CELF2: variants seen among roughly 807,000 people sequenced by gnomAD.
CELF2 encodes CUG triplet repeat RNA-binding protein 2.
A neutral mutation model predicts 62.6 loss-of-function variants in CELF2; 8 were observed. The observed-to-expected ratio is 0.13, with a 90% CI of 0.07 to 0.23. CELF2 has a LOEUF of 0.23. Ranked by LOEUF, CELF2 falls within the 10% of genes least tolerant of loss-of-function variation. CELF2 has a pLI of 1.00. For synonymous variants in CELF2, 258 were observed against 250.0 expected, an observed-to-expected ratio of 1.03 and a Z score of -0.30; for missense variants, 333 against 671.0, an observed-to-expected ratio of 0.50 and a Z score of 5.56.
intron 1 of CELF2, among the ~76,000 whole-genome samples, chr10:11,100,509 A>G (rs1031477969): frequency 4.0e-5 from 6 of 151,596 alleles, no homozygotes; most frequent in African/African-American, 1.4e-4. Context: ...TATGAATGGA[A>G]CTCACTTTCA....
intron 1 of CELF2, among the ~76,000 whole-genome samples, chr10:10,853,891 TA>T (rs535352985): frequency 1.3e-3 from 201 of 151,694 alleles, no homozygotes; most frequent in African/African-American, 4.7e-3. Flanking sequence ...ACAAGGAAAT[TA>T]AAAGGGAGAG....
At chr10:11,272,751 C>G (rs111798053) in intron 7 of CELF2, among the ~76,000 whole-genome samples, 3,357 of 152,286 alleles carry the variant, frequency 0.022, 113 homozygotes, top group African/African-American at 0.076. Context: ...TGAAAGAGCC[C>G]TTAGCTGCCT....
At chr10:10,692,526 T>A in the CELF2 span, among the ~76,000 whole-genome samples, 1 of 139,612 alleles carries the variant, frequency 7.2e-6, no homozygotes, top group Non-Finnish European at 1.6e-5. Flanking sequence ...TTTAAAGTAG[T>A]TTTTTCCAAT....
intron 2 of CELF2, among the ~76,000 whole-genome samples, chr10:11,186,634 A>G (rs1032818658): frequency 1.8e-4 from 27 of 152,174 alleles, no homozygotes; most frequent in African/African-American, 5.8e-4. Context: ...GCGCATCCCT[A>G]ATCCAAAAAT....
At chr10:10,708,104 C>CA in the CELF2 span, among the ~76,000 whole-genome samples, 1 of 152,070 alleles carries the variant, frequency 6.6e-6, no homozygotes, top group East Asian at 1.9e-4. Flanking sequence ...ATAAAAACAC[C>CA]ACATATTTGA....
chr10:11,317,760 A>G (rs1489312522), intron 10 of CELF2: 2 of 152,146 alleles, frequency 1.3e-5, no homozygotes, highest in African/African-American at 4.8e-5. Flanking sequence ...CTGGGTCTCT[A>G]TTGTAAGTTG....
intron 2 of CELF2, among the ~76,000 whole-genome samples, chr10:10,961,559 C>A (rs2049502853): frequency 6.6e-6 from 1 of 151,954 alleles, no homozygotes; most frequent in African/African-American, 2.4e-5. Flanking sequence ...CCAGCCTGGG[C>A]AACATGGCAA....
intron 1 of CELF2, among the ~76,000 whole-genome samples, chr10:11,043,847 C>G (rs1053554267): frequency 6.6e-6 from 1 of 152,200 alleles, no homozygotes; most frequent in African/African-American, 2.4e-5. Flanking sequence ...CAGTGGCTTC[C>G]TCGCATACCT....
chr10:11,211,807 A>AGT lies in CELF2; in HGVS notation c.272-5617_272-5616insTG, dbSNP rs1311476390. Among the ~76,000 whole-genome samples the AGT allele has an allele frequency of 3.3e-5, 4 of 120,636 alleles. No individual in the cohort carries two copies. The highest frequency in any genetic ancestry group is 1.1e-4 in the African/African-American group (3 of 28,060). 79.1% of individuals were successfully genotyped at this position (120,636 alleles called of 152,430 possible). On this transcript the variant is annotated intron_variant, in intron 2 of 12. Transcript: ENST00000633077. This position sits in a 1 kb window ranked among gnomAD's most constrained non-coding sequence, Gnocchi z 4.8. ...GTATGTGTGTGAGAGAGAGAGAGAG[A>AGT]GAGAGAGTGTGTGTGTGTGTGTGTG...
At chr10:10,784,537 C>G in the CELF2 span, 1 of 152,128 alleles carries the variant, frequency 6.6e-6, no homozygotes, top group Non-Finnish European at 1.5e-5. Context: ...GATCTTTCTC[C>G]GCAGTGTGGC....
chr10:10,837,422 G>T (rs1305582550), intron 1 of CELF2, among the ~76,000 whole-genome samples: 1 of 152,176 alleles, frequency 6.6e-6, no homozygotes, highest in Non-Finnish European at 1.5e-5. Flanking sequence ...AAATGACCCA[G>T]TCTCAGGTAT....
chr10:11,232,668 A>T (rs955774453), intron 3 of CELF2, among the ~76,000 whole-genome samples: 34 of 152,160 alleles, frequency 2.2e-4, no homozygotes, highest in African/African-American at 8.2e-4. Flanking sequence ...GTTGCATGGT[A>T]CTGATTTCAA....
At chr10:10,696,246 G>A in the CELF2 span, among the ~76,000 whole-genome samples, 1 of 152,034 alleles carries the variant, frequency 6.6e-6, no homozygotes, top group East Asian at 1.9e-4. Flanking sequence ...CTGGAGGTCT[G>A]TTGGAGTACC....
At chr10:10,975,593 G>A (rs566890710) in intron 2 of CELF2, among the ~76,000 whole-genome samples, 1 of 152,294 alleles carries the variant, frequency 6.6e-6, no homozygotes, top group East Asian at 1.9e-4. Context: ...CTTAGTACTT[G>A]CATTTGTGAT....
chr10:10,614,413 G>A, the CELF2 span, among the ~76,000 whole-genome samples: 7 of 152,010 alleles, frequency 4.6e-5, no homozygotes, highest in South Asian at 2.1e-4. Context: ...AGCCACATCC[G>A]GAAGGCAGTT....
rs144466219 is a variant in CELF2 at position 11,099,617 on chromosome 10, C to T, written c.75-65869C>T. Reference sequence around the variant, plus strand: ...TGTGGCAGCATTAACACCAATGTAACTTAATTTTACAGAAATTTTTGTAGT... The same window carrying T: ...TGTGGCAGCATTAACACCAATGTAATTTAATTTTACAGAAATTTTTGTAGT... On this transcript the variant is annotated intron_variant, in intron 1 of 12. Coordinates refer to ENST00000633077, the MANE Select transcript of CELF2 (RefSeq NM_001326342.2). Among the ~76,000 whole-genome samples, 326 of 152,294 alleles carry T rather than the reference C, an allele frequency of 2.1e-3. 4 individuals are homozygous for T. Among genetic ancestry groups the T allele is most frequent in the African/African-American group, 7.2e-3 (298 of 41,554 alleles).
intron 1 of CELF2, among the ~76,000 whole-genome samples, chr10:10,908,943 T>C (rs574260400): frequency 1.3e-5 from 2 of 152,276 alleles, no homozygotes; most frequent in African/African-American, 4.8e-5. Flanking sequence ...TGTGCCACCA[T>C]GCCAGGCTAA....
At chr10:10,693,377 A>AT in the CELF2 span, among the ~76,000 whole-genome samples, 5,280 of 141,482 alleles carry the variant, frequency 0.037, 230 homozygotes, top group East Asian at 0.26. Flanking sequence ...ATCATGGTGG[A>AT]TAAGCTTTTT....
At chr10:10,763,447 C>T in the CELF2 span, among the ~76,000 whole-genome samples, 1 of 152,086 alleles carries the variant, frequency 6.6e-6, no homozygotes, top group Non-Finnish European at 1.5e-5. Flanking sequence ...AACCTGGAAA[C>T]GCTGCCCCGG....
Sources: allele counts gnomAD v4.1 joint callset (sites outside exome capture counted in the v4.1 genomes callset), GRCh38; gene constraint gnomAD v4.1.1; non-coding constraint Gnocchi (gnomAD v3.1); transcripts MANE v1.5; gene names NCBI Gene and HGNC (gene_info 2026-07-23, HGNC 2026-07-21).